The following RRP36 variants were observed in gnomAD, a reference collection of about 807,000 sequenced individuals.
The protein encoded by RRP36 is ribosomal RNA processing protein 36 homolog.
Under a neutral mutation model 39.8 loss-of-function variants are expected in RRP36, and 44 were observed. That is an observed-to-expected ratio of 1.10 (90% CI 0.87 to 1.42). RRP36 has a LOEUF of 1.42. Among genes scored for constraint, RRP36 ranks in the 40% most tolerant of loss-of-function variants. RRP36 has a pLI of 0.00. For missense variants in RRP36, 316 were observed against 322.4 expected, an observed-to-expected ratio of 0.98 and a Z score of 0.15; for synonymous variants, 124 against 123.1, an observed-to-expected ratio of 1.01 and a Z score of -0.05.
rs1207697066 is a variant in RRP36 at position 43,027,407 on chromosome 6, G to A, written c.573G>A (p.Leu191=). 2 of 1,614,252 alleles carry A rather than the reference G, an allele frequency of 1.2e-6. No homozygotes were observed. Among genetic ancestry groups the A allele is most frequent in the East Asian group, 2.2e-5 (1 of 44,884 alleles). ...AQQERKQQQE[L]HLALKQERRA... The stretch of plus-strand genomic sequence containing the variant: ...AGGAACGAAAGCAACAGCAGGAGCT[G>A]CACCTGGCCCTGAAGCAAGAACGTC... The change falls in exon 6 of 7, where the codon CTG becomes CTA. Residue 191 remains leucine, a synonymous_variant. Coordinates refer to ENST00000244496, the MANE Select transcript of RRP36 (RefSeq NM_033112.4).
intron 1 of RRP36, among the ~76,000 whole-genome samples, chr6:43,023,331 C>T (rs550804951): frequency 2.0e-5 from 3 of 151,548 alleles, no homozygotes; most frequent in African/African-American, 4.9e-5. Context: ...CCCAGGAGGT[C>T]GAGGCTGCAG....
chr6:43,025,613 ACT>A (rs1762797612), intron 3 of RRP36, among the ~76,000 whole-genome samples: 1 of 114,838 alleles, frequency 8.7e-6, no homozygotes, highest in Non-Finnish European at 1.7e-5. Flanking sequence ...ACAGAGTAAG[ACT>A]CTGTCTCAAA....
intron 3 of RRP36, 151 bp from the exon 4 acceptor site, chr6:43,025,886 T>G (rs1040359440): frequency 4.0e-6 from 2 of 498,334 alleles, no homozygotes; most frequent in Non-Finnish European, 7.3e-6. Flanking sequence ...TGAGCCGAGA[T>G]TGCACCACTG....
intron 4 of RRP36, 84 bp downstream of exon 4, chr6:43,026,225 G>A (rs1318279550): frequency 6.7e-6 from 6 of 901,910 alleles, no homozygotes; most frequent in Non-Finnish European, 3.6e-6. Context: ...AGGGGGAGTG[G>A]GAAGTATAGT....
intron 1 of RRP36, among the ~76,000 whole-genome samples, chr6:43,022,867 G>T (rs1193696538): frequency 6.6e-6 from 1 of 151,780 alleles, no homozygotes; most frequent in African/African-American, 2.4e-5. Flanking sequence ...TCCTGACCTC[G>T]TGATCCGCCC....
rs755464919 is a variant in RRP36 at position 43,021,701 on chromosome 6, C to A, written c.47C>A (p.Ala16Asp). Residue 16 changes from alanine to aspartate, a missense_variant, in exon 1 of 7, where the codon GCC (alanine) becomes GAC (aspartate). By Grantham distance (126) the Ala-to-Asp change is moderately radical. Transcript: ENST00000244496. ...YRAGAGAGAG[A>D]RRPRGARDRE... ...GCCGGGGCCGGGGCCGGGGCCGGGG[C>A]CCGACGTCCCCGCGGGGCCCGGGAC... is the stretch of plus-strand genomic sequence containing the variant. 2.5e-6 allele frequency: 3 copies of A among 1,180,456 alleles called. No individual in the cohort carries two copies. The Admixed American group carries it at 1.7e-4, about 67-fold the overall frequency. The allele number at this position is 1,180,456 out of a possible 1,614,324, so 73.1% of individuals were successfully genotyped here.
intron 5 of RRP36, 47 bp downstream of exon 5, chr6:43,027,299 G>C (rs773206056): frequency 6.2e-7 from 1 of 1,611,614 alleles, no homozygotes; most frequent in African/African-American, 1.3e-5. Context: ...ATTAAAGGTG[G>C]GAGATATTCA....
intron 1 of RRP36, among the ~76,000 whole-genome samples, chr6:43,022,390 G>C (rs1451348843): frequency 2.6e-5 from 4 of 151,938 alleles, no homozygotes; most frequent in Non-Finnish European, 4.4e-5. Flanking sequence ...GAGCCACTGC[G>C]CCCAGCCTGT....
intron 1 of RRP36, among the ~76,000 whole-genome samples, chr6:43,024,459 T>G (rs1762775750): frequency 6.6e-6 from 1 of 152,192 alleles, no homozygotes; most frequent in Admixed American, 6.6e-5. Flanking sequence ...TGGGGACTTT[T>G]GCCTGTAGGA....
chr6:43,025,391 G>C, intron 3 of RRP36, 62 bp downstream of exon 3: 1 of 1,468,480 alleles, frequency 6.8e-7, no homozygotes, highest in Middle Eastern at 2.4e-4. Context: ...GGGAGCCCGA[G>C]GTGGGCGATC....
At chr6:43,028,338 A>C (rs1170099707) in intron 6 of RRP36, among the ~76,000 whole-genome samples, 1 of 145,596 alleles carries the variant, frequency 6.9e-6, no homozygotes, top group Non-Finnish European at 1.5e-5. Context: ...TCACAGGAAA[A>C]ACAAACAAAC....
rs1191523047 is a variant in RRP36 at position 43,025,278 on chromosome 6, A to G, written c.294A>G (p.Ser98=). The change falls in exon 3 of 7, where the codon TCA becomes TCG. Residue 98 remains serine, a synonymous_variant. Coordinates refer to ENST00000244496, the MANE Select transcript of RRP36 (RefSeq NM_033112.4). ...TTCTCCATAGGCCTCTGGAAATGTC[A>G]GCCAAGATCCGAGTACCATTTTTAC... is the stretch of plus-strand genomic sequence containing the variant. ...VADKHRPLEM[S]AKIRVPFLRQ... 6.2e-7 allele frequency: 1 copy of G among 1,614,150 alleles called. No homozygotes were observed. The highest frequency in any genetic ancestry group is 1.1e-5 in the South Asian group (1 of 91,080).
intron 1 of RRP36, among the ~76,000 whole-genome samples, chr6:43,023,372 C>G (rs902028955): frequency 1.3e-5 from 2 of 152,082 alleles, no homozygotes; most frequent in Admixed American, 6.6e-5. Context: ...GCACTCCAGC[C>G]TGGGCAACAG....
chr6:43,027,762 T>TACACACACACAC (rs57851236), intron 6 of RRP36, among the ~76,000 whole-genome samples: 2 of 81,612 alleles, frequency 2.5e-5, no homozygotes, highest in Non-Finnish European at 4.5e-5. Flanking sequence ...TGGTCTACAC[T>TACACACACACAC]ACACACACAC....
chr6:43,025,065 G>A lies in RRP36; in HGVS notation c.211G>A (p.Gly71Arg). The change falls in exon 2 of 7, where the codon GGA becomes AGA. Residue 71 changes from glycine to arginine, a missense_variant. Physicochemically the swap from Gly to Arg is moderately radical, Grantham distance 125 (BLOSUM62 -2). Transcript: ENST00000244496. ...TAAGACGTACAAACAATTGGTAGCT[G>A]GAAATAGTCCTAAGAAACAAGCTTC... The part of the protein sequence containing the change: ...GTKTYKQLVA[G>R]NSPKKQASRP... 1.9e-6 allele frequency: 3 copies of A among 1,614,156 alleles called. No homozygotes were observed. Among genetic ancestry groups the A allele is most frequent in the Non-Finnish European group, 2.5e-6 (3 of 1,180,054 alleles).
chr6:43,028,813 T>TGTG (rs756614980), intron 6 of RRP36, among the ~76,000 whole-genome samples: 11 of 151,676 alleles, frequency 7.3e-5, no homozygotes, highest in Non-Finnish European at 1.5e-4. Context: ...ATTAGCCATA[T>TGTG]GTGGTGGTGC....
At chr6:43,025,357 T>A in intron 3 of RRP36, 28 bp downstream of exon 3, 1 of 1,608,524 alleles carries the variant, frequency 6.2e-7, no homozygotes, top group African/African-American at 1.3e-5. Context: ...GCACTGTGGC[T>A]CACGCCTGTA....
chr6:43,027,619 G>A (rs1427400542), intron 6 of RRP36, 142 bp downstream of exon 6: 7 of 699,984 alleles, frequency 1.0e-5, no homozygotes, highest in Non-Finnish European at 1.5e-5. Context: ...AGTAGAAATA[G>A]TAGGGAGTTG....
At chr6:43,022,534 C>A (rs1353562334) in intron 1 of RRP36, among the ~76,000 whole-genome samples, 1 of 152,008 alleles carries the variant, frequency 6.6e-6, no homozygotes, top group Admixed American at 6.6e-5. Context: ...CTACCTCAGC[C>A]TTTCGAGTAG....
Sources: allele counts gnomAD v4.1 joint callset (sites outside exome capture counted in the v4.1 genomes callset), GRCh38; gene constraint gnomAD v4.1.1; transcripts MANE v1.5; gene names NCBI Gene and HGNC (gene_info 2026-07-23, HGNC 2026-07-21).